POU6F2: variants seen among roughly 807,000 people sequenced by gnomAD.
POU6F2 encodes the protein POU class 6 homeobox 2, also known as POU domain, class 6, transcription factor 2.
In POU6F2, 31 loss-of-function variants were observed where a neutral mutation model predicts 71.3. The observed-to-expected ratio is 0.43, with a 90% CI of 0.33 to 0.59. The LOEUF is 0.59. POU6F2 is among the 20% of genes least tolerant of loss of function. POU6F2 has a pLI of 0.04. For missense variants in POU6F2, 783 were observed against 856.8 expected, an observed-to-expected ratio of 0.91 and a Z score of 1.07; for synonymous variants, 347 against 355.7, an observed-to-expected ratio of 0.98 and a Z score of 0.27.
chr7:39,204,269 C>G lies in POU6F2; in HGVS notation c.312C>G (p.Gly104=). ...ARGNPALSDP[G]TPDQHQASQT... is the part of the protein sequence containing the mutation. ...GAAACCCAGCATTATCAGACCCAGG[C>G]ACTCCTGACCAACACCAGGCCAGTC... is the stretch of plus-strand genomic sequence containing the variant. Residue 104 remains glycine, a synonymous_variant, in exon 3 of 10, where the codon GGC becomes GGG. Coordinates refer to ENST00000518318, the MANE Select transcript of POU6F2 (RefSeq NM_001370959.1). 6.2e-7 allele frequency: 1 copy of G among 1,613,854 alleles called. No homozygotes were observed. The highest frequency in any genetic ancestry group is 1.1e-5 in the South Asian group (1 of 91,044).
At chr7:39,435,026 T>C (rs1020291933) in intron 7 of POU6F2, among the ~76,000 whole-genome samples, 13 of 152,340 alleles carry the variant, frequency 8.5e-5, no homozygotes, top group Admixed American at 6.5e-4. Flanking sequence ...CCTTATCCAG[T>C]CTATCATTGA....
At chr7:39,098,012 C>T (rs1023330279) in intron 2 of POU6F2, among the ~76,000 whole-genome samples, 1 of 152,114 alleles carries the variant, frequency 6.6e-6, no homozygotes. Context: ...TGACAAATGA[C>T]ATTAGCAATG....
chr7:39,075,585 C>T (rs1315026334), intron 1 of POU6F2, among the ~76,000 whole-genome samples: 1 of 152,084 alleles, frequency 6.6e-6, no homozygotes, highest in East Asian at 1.9e-4. Context: ...AAAATCCTAC[C>T]AAGAGAACAC....
chr7:39,323,089 T>C (rs924579696), intron 4 of POU6F2, among the ~76,000 whole-genome samples: 9 of 151,240 alleles, frequency 6.0e-5, no homozygotes, highest in African/African-American at 2.2e-4. Context: ...TGCAGGTTGC[T>C]GAGAGAGAAG....
chr7:39,159,238 GTT>G (rs1792936486), intron 2 of POU6F2, among the ~76,000 whole-genome samples: 1 of 151,964 alleles, frequency 6.6e-6, no homozygotes, highest in South Asian at 2.1e-4. Flanking sequence ...TCACATTATT[GTT>G]TTTCTATAGG....
intron 6 of POU6F2, among the ~76,000 whole-genome samples, chr7:39,432,462 G>A (rs964295421): frequency 5.9e-5 from 9 of 152,194 alleles, no homozygotes; most frequent in Non-Finnish European, 8.8e-5. Context: ...ATGTGCCACA[G>A]TCAGTAAGTG....
chr7:39,453,306 TAA>T (rs777345714), intron 8 of POU6F2, among the ~76,000 whole-genome samples: 1 of 145,774 alleles, frequency 6.9e-6, no homozygotes. Flanking sequence ...TTCCCCTAAT[TAA>T]AAAAAAAAAC....
At chr7:39,050,234 G>T (rs775395755) in intron 1 of POU6F2, among the ~76,000 whole-genome samples, 7 of 151,876 alleles carry the variant, frequency 4.6e-5, no homozygotes, top group Non-Finnish European at 1.0e-4. Context: ...TGACTTCTTA[G>T]GAGTCCTGTT....
chr7:39,407,223 T>C (rs1787454220), intron 6 of POU6F2, among the ~76,000 whole-genome samples: 1 of 151,946 alleles, frequency 6.6e-6, no homozygotes, highest in African/African-American at 2.4e-5. Flanking sequence ...TGAAGAAGTC[T>C]TGTAAAAGCA....
At chr7:39,272,261 T>C (rs1229498159) in intron 4 of POU6F2, among the ~76,000 whole-genome samples, 1 of 152,144 alleles carries the variant, frequency 6.6e-6, no homozygotes, top group Non-Finnish European at 1.5e-5. Context: ...TTCATCATCC[T>C]CCCACTACTG....
intron 2 of POU6F2, among the ~76,000 whole-genome samples, chr7:39,143,036 C>A (rs1013263757): frequency 6.6e-6 from 1 of 152,114 alleles, no homozygotes; most frequent in African/African-American, 2.4e-5. Context: ...TAGTATAAAC[C>A]CCTGCCTTCA....
At chr7:39,290,101 A>T (rs769463210) in intron 4 of POU6F2, among the ~76,000 whole-genome samples, 20 of 152,242 alleles carry the variant, frequency 1.3e-4, no homozygotes, top group Non-Finnish European at 2.2e-4. Context: ...AGTATTTTTT[A>T]ACGTGTTTAT....
chr7:39,083,275 T>G (rs554892412), intron 1 of POU6F2, among the ~76,000 whole-genome samples: 1 of 152,180 alleles, frequency 6.6e-6, no homozygotes, highest in Non-Finnish European at 1.5e-5. Flanking sequence ...AAGTTTATCA[T>G]TAACATTATC....
chr7:39,012,690 C>G (rs1789330177), intron 1 of POU6F2, among the ~76,000 whole-genome samples: 1 of 152,036 alleles, frequency 6.6e-6, no homozygotes, highest in African/African-American at 2.4e-5. Context: ...TGATGATGTA[C>G]AGATGGGTTT....
chr7:39,249,563 T>C lies in POU6F2; in HGVS notation c.598+41943T>C, dbSNP rs138402200. Among the ~76,000 whole-genome samples the C allele has an allele frequency of 1.1e-3, 173 of 152,342 alleles. 1 individual carries two copies. The East Asian group carries it at 0.017, about 15-fold the overall frequency. On this transcript the variant is annotated intron_variant, in intron 4 of 9. Coordinates refer to ENST00000518318, the MANE Select transcript of POU6F2 (RefSeq NM_001370959.1). ...ATATATATCAGTTAGGACATTTTGC[T>C]TGCAAAGTGCATTGTAGCAAAATAA...
chr7:39,260,374 T>C (rs188701151), intron 4 of POU6F2, among the ~76,000 whole-genome samples: 215 of 118,284 alleles, frequency 1.8e-3, no homozygotes, highest in Non-Finnish European at 2.9e-3. Flanking sequence ...CACACACACA[T>C]TCCATACCTT....
chr7:39,224,363 C>A (rs1210134938), intron 4 of POU6F2, among the ~76,000 whole-genome samples: 6 of 150,360 alleles, frequency 4.0e-5, no homozygotes, highest in Non-Finnish European at 7.4e-5. Flanking sequence ...TCTTGCATTT[C>A]TTCACTTAAA....
chr7:39,113,715 T>C (rs1016396172), intron 2 of POU6F2, among the ~76,000 whole-genome samples: 2 of 152,194 alleles, frequency 1.3e-5, no homozygotes, highest in Admixed American at 6.5e-5. Flanking sequence ...TTATCTTTAG[T>C]TTCTGCAAAC....
At chr7:39,119,380 CTG>C (rs1216328980) in intron 2 of POU6F2, among the ~76,000 whole-genome samples, 2 of 152,138 alleles carry the variant, frequency 1.3e-5, no homozygotes, top group African/African-American at 2.4e-5. Flanking sequence ...TCACTGTACA[CTG>C]TGTCTTAATT....
Sources: gnomAD v4.1 joint callset for allele counts (sites outside exome capture counted in the v4.1 genomes callset) on GRCh38, gnomAD v4.1.1 for gene constraint, MANE v1.5 for transcripts, NCBI Gene and HGNC (gene_info 2026-07-23, HGNC 2026-07-21) for gene names.